The following DGKB variants were observed in gnomAD, a reference collection of about 807,000 sequenced individuals.
The protein encoded by DGKB is diacylglycerol kinase beta.
In DGKB, 67 loss-of-function variants were observed where a neutral mutation model predicts 114.3. The observed-to-expected ratio is 0.59, with a 90% CI of 0.48 to 0.72. The LOEUF is 0.72. Among genes scored for constraint, DGKB ranks in the 30% least tolerant of loss-of-function variants. DGKB has a pLI of 0.00. For synonymous variants in DGKB, 398 were observed against 323.1 expected (o/e 1.23, Z -2.49); for missense variants, 907 against 975.2 (o/e 0.93, Z 0.93).
rs142793022 is a variant in DGKB, at chr7:14,821,273, A to G, written c.70+19921T>C. ...GACCCATACTTATTGAGTGCCTATT[A>G]TATATTAAATGCCATGTTTATACAT... is the stretch of plus-strand genomic sequence containing the variant. On this transcript the variant is annotated intron_variant, in intron 2 of 25. Transcript: ENST00000402815. Among the ~76,000 whole-genome samples the G allele has an allele frequency of 5.3e-4, 80 of 152,308 alleles. 1 individual carries two copies. Among genetic ancestry groups the G allele is most frequent in the African/African-American group, 1.9e-3 (79 of 41,586 alleles).
Position 14,660,825 on chromosome 7 carries a change from C to A in DGKB, c.1134+12104G>T, listed in dbSNP as rs997900226. ...ACTATACTACAAGGCTACAGTAACCCAAACAGCATGCTACTGGTACCAAAA... is the reference window on the plus strand; with the variant it reads ...ACTATACTACAAGGCTACAGTAACCAAAACAGCATGCTACTGGTACCAAAA... On this transcript the variant is annotated intron_variant, in intron 13 of 25. Coordinates refer to ENST00000402815, the MANE Select transcript of DGKB (RefSeq NM_001350709.2). Among the ~76,000 whole-genome samples the A allele has an allele frequency of 7.5e-3, 1,134 of 151,972 alleles. 10 individuals carry two copies. Among genetic ancestry groups the A allele is most frequent in the African/African-American group, 0.025 (1,033 of 41,464 alleles).
intron 1 of DGKB, among the ~76,000 whole-genome samples, chr7:14,910,408 A>G (rs1000515602): frequency 1.3e-5 from 2 of 152,138 alleles, no homozygotes; most frequent in Non-Finnish European, 2.9e-5. Flanking sequence ...CATTGAAAAG[A>G]TTTCTTCCAA....
At chr7:14,521,018 T>C (rs913026460) in intron 20 of DGKB, among the ~76,000 whole-genome samples, 2 of 152,136 alleles carry the variant, frequency 1.3e-5, no homozygotes, top group African/African-American at 2.4e-5. Flanking sequence ...CCTTTGAATA[T>C]GTTATTCCAC....
At chr7:14,302,609 A>C (rs922537653) in intron 23 of DGKB, among the ~76,000 whole-genome samples, 1 of 152,030 alleles carries the variant, frequency 6.6e-6, no homozygotes, top group African/African-American at 2.4e-5. Context: ...TTGGACTTGA[A>C]CTTTCTTCTC....
chr7:14,199,319 G>A (rs1361720788), intron 23 of DGKB, among the ~76,000 whole-genome samples: 1 of 151,880 alleles, frequency 6.6e-6, no homozygotes, highest in East Asian at 1.9e-4. Flanking sequence ...GTGGTGGGGG[G>A]AATACAGAAT....
chr7:14,552,172 G>T (rs577670172), intron 20 of DGKB, among the ~76,000 whole-genome samples: 1 of 152,236 alleles, frequency 6.6e-6, no homozygotes, highest in African/African-American at 2.4e-5. Context: ...AAGGGAATAT[G>T]CTTGTGTGTA....
chr7:14,380,423 G>T (rs1332618738), intron 21 of DGKB, among the ~76,000 whole-genome samples: 1 of 152,002 alleles, frequency 6.6e-6, no homozygotes, highest in Non-Finnish European at 1.5e-5. Context: ...ACATACCAGA[G>T]TGCTTTAAAA....
chr7:14,515,885 C>T (rs2128553094), intron 20 of DGKB, among the ~76,000 whole-genome samples: 1 of 152,274 alleles, frequency 6.6e-6, no homozygotes, highest in Admixed American at 6.5e-5. Context: ...TGCTCTGTTG[C>T]CTAGGCTGGA....
intron 18 of DGKB, 100 bp downstream of exon 18, chr7:14,582,952 T>C: frequency 1.2e-6 from 1 of 821,426 alleles, no homozygotes; most frequent in Non-Finnish European, 2.1e-6. Context: ...ATTATATCAC[T>C]GCTTCCAAAG....
At position 14,962,675 on chromosome 7, in the gene DGKB, C is replaced by T. The variant is rs146403943; in HGVS notation, c.-188+12021G>A. Among the ~76,000 whole-genome samples, 297 of 146,374 alleles carry T rather than the reference C, an allele frequency of 2.0e-3. 4 individuals carry two copies. The highest frequency in any genetic ancestry group is 7.3e-3 in the African/African-American group (276 of 38,068). On this transcript the variant is annotated intron_variant, in intron 1 of 4. Transcript: ENST00000437998. ...GTGTGTGTGTGTGTGTGTGTAAGCA[C>T]GTATACAGGCAAATGACCAGAAAAC... is the stretch of plus-strand genomic sequence containing the variant.
At chr7:14,627,482 G>A (rs906559163) in intron 14 of DGKB, among the ~76,000 whole-genome samples, 1 of 152,022 alleles carries the variant, frequency 6.6e-6, no homozygotes, top group Non-Finnish European at 1.5e-5. Context: ...TTATTGGAGG[G>A]AATGAAATTT....
chr7:14,372,003 G>T (rs947719842), intron 21 of DGKB, among the ~76,000 whole-genome samples: 2 of 152,094 alleles, frequency 1.3e-5, no homozygotes, highest in Non-Finnish European at 2.9e-5. Flanking sequence ...ATTAAAAATG[G>T]CCTCCTGCTC....
At chr7:14,733,315 CAT>C (rs1264441205) in intron 5 of DGKB, among the ~76,000 whole-genome samples, 2 of 152,168 alleles carry the variant, frequency 1.3e-5, no homozygotes, top group Non-Finnish European at 2.9e-5. Context: ...AAAGGGCTAT[CAT>C]GTGGAATATG....
chr7:14,581,043 G>A, intron 18 of DGKB, 92 bp from the exon 19 acceptor site: 2 of 746,312 alleles, frequency 2.7e-6, no homozygotes, highest in Non-Finnish European at 4.2e-6. Context: ...TTAAATGAAG[G>A]AATTCCAATA....
intron 23 of DGKB, among the ~76,000 whole-genome samples, chr7:14,320,138 C>T (rs1255521693): frequency 1.3e-5 from 2 of 152,118 alleles, no homozygotes; most frequent in Non-Finnish European, 2.9e-5. Flanking sequence ...TCCTAAGAGT[C>T]ATAGGTGGGA....
chr7:14,286,038 G>T (rs1425001040), intron 23 of DGKB, among the ~76,000 whole-genome samples: 2 of 152,064 alleles, frequency 1.3e-5, no homozygotes, highest in Admixed American at 1.3e-4. Context: ...GAAATTAAAG[G>T]CTGGAGATCT....
At chr7:14,911,553 A>T (rs1333851092) in intron 1 of DGKB, among the ~76,000 whole-genome samples, 1 of 152,208 alleles carries the variant, frequency 6.6e-6, no homozygotes, top group African/African-American at 2.4e-5. Flanking sequence ...TTAATGATTT[A>T]TTAACTACTC....
intron 13 of DGKB, among the ~76,000 whole-genome samples, chr7:14,642,747 A>C (rs567628293): frequency 3.9e-5 from 6 of 152,188 alleles, no homozygotes; most frequent in African/African-American, 1.4e-4. Context: ...CAAACTTACT[A>C]CATTTTATTT....
At chr7:14,156,354 A>T (rs1183764164) in intron 25 of DGKB, among the ~76,000 whole-genome samples, 13 of 152,132 alleles carry the variant, frequency 8.5e-5, no homozygotes. Flanking sequence ...GTTGGCAAAC[A>T]TGTTCTGTAA....
Sources: allele counts gnomAD v4.1 joint callset (sites outside exome capture counted in the v4.1 genomes callset), GRCh38; gene constraint gnomAD v4.1.1; transcripts MANE v1.5; gene names NCBI Gene and HGNC (gene_info 2026-07-23, HGNC 2026-07-21).